The following NME1 variants were observed in gnomAD, a reference collection of about 807,000 sequenced individuals.
The protein encoded by NME1 is NME/NM23 nucleoside diphosphate kinase 1, also known as nucleoside diphosphate kinase A.
Under a neutral mutation model 17.2 loss-of-function variants are expected in NME1, and 9 were observed. That is an observed-to-expected ratio of 0.52 (90% CI 0.32 to 0.92). The LOEUF is 0.92. NME1 is among the 40% of genes least tolerant of loss of function. The probability of loss-of-function intolerance (pLI) is 0.04; values close to 1 mark genes in which losing one functional copy is unlikely to be tolerated. For synonymous variants in NME1, 72 were observed against 70.8 expected (o/e 1.02, Z -0.09); for missense variants, 169 against 201.7 (o/e 0.84, Z 0.98).
At position 51,159,922 on chromosome 17, in the gene NME1, G is replaced by A. The variant is rs1270389606; in HGVS notation, c.127-58G>A. 10 of 1,599,496 alleles carry A rather than the reference G, an allele frequency of 6.3e-6. No individual in the cohort carries two copies. In the Admixed American group the frequency reaches 1.0e-4, roughly 16 times the overall value. On this transcript the variant is annotated intron_variant, in intron 2 of 4. Coordinates refer to ENST00000393196, the MANE Select transcript of NME1 (RefSeq NM_000269.3). ...CAGGGTGGATGAGGGGAAATTAAAT[G>A]GATTATATGTCCTTAGATGGTTTGG... is the stretch of plus-strand genomic sequence containing the variant.
intron 1 of NME1, among the ~76,000 whole-genome samples, chr17:51,155,241 CAAAAAAA>C (rs35964095): frequency 1.0e-5 from 1 of 100,472 alleles, no homozygotes; most frequent in Admixed American, 1.1e-4. Flanking sequence ...GACTCCATAC[CAAAAAAA>C]AAAAAAAAAA....
chr17:51,161,990 A>G lies in NME1; in HGVS notation c.*145A>G. 1.5e-6 allele frequency: 1 copy of G among 668,056 alleles called. No individual in the cohort carries two copies. The highest frequency in any genetic ancestry group is 1.7e-5 in the South Asian group (1 of 59,352). The allele number at this position is 668,056 out of a possible 1,614,324, so 41.4% of individuals were successfully genotyped here. On this transcript the variant is annotated 3_prime_UTR_variant, in exon 5 of 5. Coordinates refer to ENST00000393196, the MANE Select transcript of NME1 (RefSeq NM_000269.3). ...TTGGAGCTGTGAGTTCTCCCTGTACAGTGTTACCATCCCCGACCATCTGAT... is the reference window on the plus strand; with the variant it reads ...TTGGAGCTGTGAGTTCTCCCTGTACGGTGTTACCATCCCCGACCATCTGAT...
Position 51,161,939 on chromosome 17 carries a change from C to T in NME1, c.*94C>T, listed in dbSNP as rs1484434649. Reference sequence around the variant, plus strand: ...TAGGAAATCTAGTTATTTACAGGAACTTCATCATAATTTGGAGGGAAGCTC... The same window carrying T: ...TAGGAAATCTAGTTATTTACAGGAATTTCATCATAATTTGGAGGGAAGCTC... On this transcript the variant is annotated 3_prime_UTR_variant, in exon 5 of 5. Transcript: ENST00000393196. 1.2e-6 allele frequency: 1 copy of T among 851,742 alleles called. No homozygotes were observed. The highest frequency in any genetic ancestry group is 2.0e-6 in the Non-Finnish European group (1 of 498,600). 52.8% of individuals were successfully genotyped at this position (851,742 alleles called of 1,614,324 possible). A position where few individuals can be genotyped will look rare whatever the true frequency, so the allele number is the denominator to read the frequency against.
chr17:51,160,010 G>A lies in NME1; in HGVS notation c.157G>A (p.Val53Ile), dbSNP rs756449949. The change falls in exon 3 of 5, where the codon GTT (valine) becomes ATT (isoleucine). Residue 53 changes from valine to isoleucine, a missense_variant. Val to Ile is a conservative substitution (Grantham distance 29). Transcript: ENST00000393196. ...ASEDLLKEHY[V>I]DLKDRPFFAG... ...CGAAGATCTTCTCAAGGAACACTAC[G>A]TTGACCTGAAGGACCGTCCATTCTT... 1.4e-5 allele frequency: 23 copies of A among 1,613,992 alleles called. No individual in the cohort carries two copies. The highest frequency in any genetic ancestry group is 1.9e-5 in the Non-Finnish European group (22 of 1,180,016).
intron 1 of NME1, among the ~76,000 whole-genome samples, chr17:51,155,197 G>A (rs542820221): frequency 1.3e-3 from 186 of 148,198 alleles, no homozygotes; most frequent in African/African-American, 4.5e-3. Context: ...AGCCAAGGTC[G>A]CACCACTGCA....
chr17:51,157,926 T>G (rs2049810103), intron 2 of NME1, among the ~76,000 whole-genome samples: 1 of 152,142 alleles, frequency 6.6e-6, no homozygotes, highest in Non-Finnish European at 1.5e-5. Flanking sequence ...AAGGGAGAAC[T>G]TGAGGTTCCC....
intron 2 of NME1, among the ~76,000 whole-genome samples, chr17:51,158,350 G>C (rs948680851): frequency 1.3e-5 from 2 of 152,146 alleles, no homozygotes; most frequent in African/African-American, 4.8e-5. Flanking sequence ...TGAGGCAAGA[G>C]GATTGCTTGA....
At position 51,161,710 on chromosome 17, in the gene NME1, ATC is replaced by A. The variant is rs751415158; in HGVS notation, c.342-14_342-13del. ...TCCTTCTGGTCTTGGTCATGTGACT[ATC>A]TCTTTCTCCACCCAGGAACATTATA... On this transcript the variant is annotated splice_polypyrimidine_tract_variant and intron_variant, in intron 4 of 4. Coordinates refer to ENST00000393196, the MANE Select transcript of NME1 (RefSeq NM_000269.3). 2 of 1,574,956 alleles carry A rather than the reference ATC, an allele frequency of 1.3e-6. No individual in the cohort carries two copies. The highest frequency in any genetic ancestry group is 2.2e-5 in the South Asian group (2 of 90,284).
At chr17:51,156,753 G>T (rs962741875) in intron 2 of NME1, among the ~76,000 whole-genome samples, 5 of 151,796 alleles carry the variant, frequency 3.3e-5, no homozygotes, top group Admixed American at 3.3e-4. Flanking sequence ...TTAGCCAGGC[G>T]TGGTGGCATG....
chr17:51,154,220 G>A, intron 1 of NME1: 1 of 706,412 alleles, frequency 1.4e-6, no homozygotes, highest in Non-Finnish European at 2.6e-6. Flanking sequence ...CCTATTGACT[G>A]CTAGGCCCTG....
intron 1 of NME1, among the ~76,000 whole-genome samples, chr17:51,153,884 C>G (rs1276423863): frequency 6.6e-6 from 1 of 152,040 alleles, no homozygotes; most frequent in Non-Finnish European, 1.5e-5. Flanking sequence ...TCTCGTCAGG[C>G]CGCGACGACA....
At chr17:51,160,425 T>C in intron 3 of NME1, 1 of 383,316 alleles carries the variant, frequency 2.6e-6, no homozygotes, top group Non-Finnish European at 5.0e-6. Context: ...GGTCCCAGGG[T>C]GGGAATGAGC....
intron 2 of NME1, among the ~76,000 whole-genome samples, chr17:51,159,230 G>A (rs536742588): frequency 6.6e-6 from 1 of 152,180 alleles, no homozygotes; most frequent in African/African-American, 2.4e-5. Flanking sequence ...GAGGCTGGAG[G>A]ATCACTTGAG....
At chr17:51,160,126 A>G (rs755821455) in intron 3 of NME1, 45 bp downstream of exon 3, 35 of 1,604,470 alleles carry the variant, frequency 2.2e-5, no homozygotes, top group Non-Finnish European at 2.6e-5. Flanking sequence ...ATTGCTTGTC[A>G]TCTGTGCTAG....
intron 2 of NME1, among the ~76,000 whole-genome samples, chr17:51,157,190 T>C (rs574712868): frequency 1.5e-4 from 23 of 152,070 alleles, no homozygotes; most frequent in African/African-American, 5.5e-4. Flanking sequence ...TCCCAGCACT[T>C]TGGGAGGCTC....
rs2049812505 is a variant in NME1, at chr17:51,158,086, C to G, written c.127-1894C>G. ...TCTGAGGTCAGGAGATGGAGACCAG[C>G]CTGGCCAACGTGGTGAAACCCCGTC... On this transcript the variant is annotated intron_variant, in intron 2 of 4. Coordinates refer to ENST00000393196, the MANE Select transcript of NME1 (RefSeq NM_000269.3). Among the ~76,000 whole-genome samples, 11 of 152,286 alleles carry G rather than the reference C, an allele frequency of 7.2e-5. No homozygotes were observed. In the South Asian group the frequency reaches 2.3e-3, roughly 32 times the overall value.
intron 2 of NME1, among the ~76,000 whole-genome samples, chr17:51,159,027 C>G (rs1163181506): frequency 6.6e-6 from 1 of 152,188 alleles, no homozygotes; most frequent in East Asian, 1.9e-4. Flanking sequence ...TGAAGCATCC[C>G]TGGGTAATGG....
intron 4 of NME1, 58 bp from the exon 5 acceptor site, chr17:51,161,670 A>G (rs879631194): frequency 2.6e-5 from 33 of 1,248,078 alleles, no homozygotes; most frequent in South Asian, 4.8e-5. Flanking sequence ...ATTTCTGGCA[A>G]TGGGCGCATT....
Position 51,154,449 on chromosome 17 carries a change from G to T in NME1, c.-5+787G>T, listed in dbSNP as rs772370312. The T allele has an allele frequency of 1.9e-6, 3 of 1,613,702 alleles. No individual in the cohort carries two copies. In the South Asian group the frequency reaches 3.3e-5, roughly 18 times the overall value. Reference sequence around the variant, plus strand: ...TATCTCAAGCTGTGATACAGGGTAGGTCATGAGCGCAGTCTTCTGTAAAAT... The same window carrying T: ...TATCTCAAGCTGTGATACAGGGTAGTTCATGAGCGCAGTCTTCTGTAAAAT... On this transcript the variant is annotated intron_variant, in intron 1 of 4. Transcript: ENST00000393196.
Sources: allele counts gnomAD v4.1 joint callset (sites outside exome capture counted in the v4.1 genomes callset), GRCh38; gene constraint gnomAD v4.1.1; transcripts MANE v1.5; gene names NCBI Gene and HGNC (gene_info 2026-07-23, HGNC 2026-07-21).